The following HPSE2 variants were observed in gnomAD, a reference collection of about 807,000 sequenced individuals.
HPSE2 encodes the protein inactive heparanase-2.
Under a neutral mutation model 60.5 loss-of-function variants are expected in HPSE2, and 38 were observed. The observed-to-expected ratio is 0.63, with a 90% CI of 0.48 to 0.82. The LOEUF (loss-of-function observed/expected upper bound fraction) is 0.82. HPSE2 is among the 40% of genes least tolerant of loss of function. The probability of loss-of-function intolerance (pLI) is 0.00; values close to 1 mark genes in which losing one functional copy is unlikely to be tolerated. For missense variants in HPSE2, 713 were observed against 740.4 expected (o/e 0.96, Z 0.43); for synonymous variants, 295 against 293.2 (o/e 1.01, Z -0.06).
At chr10:98,696,614 G>GCTA (rs1948226993) in intron 5 of HPSE2, among the ~76,000 whole-genome samples, 2 of 134,588 alleles carry the variant, frequency 1.5e-5, no homozygotes, top group Non-Finnish European at 3.3e-5. Flanking sequence ...ACCATGGAAT[G>GCTA]CGTAGATTCT....
intron 3 of HPSE2, chr10:99,013,990 G>T (rs774440757): frequency 1.4e-5 from 5 of 353,466 alleles, no homozygotes; most frequent in Admixed American, 3.7e-5. Context: ...CACCCAGACC[G>T]CCTGGCCTCC....
intron 3 of HPSE2, among the ~76,000 whole-genome samples, chr10:98,769,317 C>T (rs1950192350): frequency 6.6e-6 from 1 of 151,956 alleles, no homozygotes; most frequent in South Asian, 2.1e-4. Flanking sequence ...CTGAATATAG[C>T]TTGTTGTTTT....
At chr10:98,532,935 G>A (rs1176458291) in intron 9 of HPSE2, among the ~76,000 whole-genome samples, 1 of 152,104 alleles carries the variant, frequency 6.6e-6, no homozygotes, top group African/African-American at 2.4e-5. Context: ...TCTCTTTCAT[G>A]GGCCTGAGCC....
intron 3 of HPSE2, among the ~76,000 whole-genome samples, chr10:99,125,692 T>A (rs185439289): frequency 7.2e-5 from 11 of 152,278 alleles, no homozygotes; most frequent in Non-Finnish European, 1.5e-4. Context: ...ACATCCCCAA[T>A]GGGGAATCTG....
chr10:98,541,674 C>T (rs1404800553), intron 9 of HPSE2, among the ~76,000 whole-genome samples: 2 of 152,200 alleles, frequency 1.3e-5, no homozygotes, highest in South Asian at 4.1e-4. Context: ...ACATCCCACA[C>T]ATGGCTCAGA....
chr10:99,213,368 T>C (rs1024130764), intron 2 of HPSE2, among the ~76,000 whole-genome samples: 1 of 152,080 alleles, frequency 6.6e-6, no homozygotes. Context: ...TAAAGAACCA[T>C]ACAATTATTA....
intron 3 of HPSE2, among the ~76,000 whole-genome samples, chr10:98,813,440 C>G (rs1951212744): frequency 6.6e-6 from 1 of 152,156 alleles, no homozygotes; most frequent in Non-Finnish European, 1.5e-5. Flanking sequence ...TTCATAGTCT[C>G]CAAAACATTG....
intron 9 of HPSE2, among the ~76,000 whole-genome samples, chr10:98,537,351 G>A (rs1442620727): frequency 6.6e-6 from 1 of 152,190 alleles, no homozygotes; most frequent in African/African-American, 2.4e-5. Context: ...AGTGTGGGCG[G>A]AGGATTACCT....
At chr10:99,183,613 G>C (rs761037009) in intron 2 of HPSE2, among the ~76,000 whole-genome samples, 1 of 152,100 alleles carries the variant, frequency 6.6e-6, no homozygotes, top group East Asian at 1.9e-4. Context: ...AGTCAATCAG[G>C]GTGATGGATT....
chr10:98,831,630 A>C (rs1021262291), intron 3 of HPSE2, among the ~76,000 whole-genome samples: 1 of 152,216 alleles, frequency 6.6e-6, no homozygotes, highest in African/African-American at 2.4e-5. Flanking sequence ...GACCTTGCTC[A>C]AGGGCAGTGG....
At position 98,702,314 on chromosome 10, in the gene HPSE2, G is replaced by T. The variant is rs1487835317; in HGVS notation, c.957-8367C>A. The stretch of plus-strand genomic sequence containing the variant: ...AGAAGCACCCAGATTCATAATACAA[G>T]TTCTTAGAGACCTATAAAGAGACTT... On this transcript the variant is annotated intron_variant, in intron 5 of 11. Transcript: ENST00000370552. Among the ~76,000 whole-genome samples the T allele has an allele frequency of 2.0e-5, 3 of 152,056 alleles. 1 individual carries two copies. The highest frequency in any genetic ancestry group is 4.2e-4 in the South Asian group (2 of 4,810).
intron 3 of HPSE2, among the ~76,000 whole-genome samples, chr10:99,128,368 T>C (rs1845244544): frequency 1.3e-5 from 2 of 152,110 alleles, no homozygotes. Flanking sequence ...ATTACAAAGA[T>C]ATATGTATGC....
chr10:98,744,533 CAAAACAAAACAAA>C (rs1007922311), intron 3 of HPSE2, among the ~76,000 whole-genome samples: 20 of 150,916 alleles, frequency 1.3e-4, no homozygotes, highest in Non-Finnish European at 2.4e-4. Context: ...GTCTCAAAAA[CAAAACAAAACAAA>C]AAAACAAAAC....
chr10:99,016,220 G>C (rs1218818586), intron 3 of HPSE2, among the ~76,000 whole-genome samples: 1 of 152,170 alleles, frequency 6.6e-6, no homozygotes, highest in African/African-American at 2.4e-5. Flanking sequence ...TATGGTATAA[G>C]GAAAGGTTCC....
intron 9 of HPSE2, among the ~76,000 whole-genome samples, chr10:98,607,424 C>A (rs1467770787): frequency 6.6e-6 from 1 of 152,116 alleles, no homozygotes; most frequent in Non-Finnish European, 1.5e-5. Flanking sequence ...ACATAATGTG[C>A]TGTCATTAGC....
rs139765776 is a variant in HPSE2 at position 98,564,239 on chromosome 10, G to A, written c.1320+50665C>T. ...AGTATGAAGCACAGAGGTTGAGAGC[G>A]TAGGCTCTAGATCCAAACCTTCTGG... On this transcript the variant is annotated intron_variant, in intron 9 of 11. Transcript: ENST00000370552. Among the ~76,000 whole-genome samples the A allele has an allele frequency of 2.0e-3, 298 of 152,298 alleles. 1 individual carries two copies. The highest frequency in any genetic ancestry group is 6.4e-3 in the African/African-American group (266 of 41,568).
chr10:98,892,952 A>T (rs1953378027), intron 3 of HPSE2, among the ~76,000 whole-genome samples: 1 of 152,174 alleles, frequency 6.6e-6, no homozygotes, highest in South Asian at 2.1e-4. Flanking sequence ...CAAATGCCAT[A>T]CACTGGTCTG....
intron 2 of HPSE2, among the ~76,000 whole-genome samples, chr10:99,184,397 T>A (rs1479604618): frequency 4.0e-5 from 6 of 151,466 alleles, no homozygotes; most frequent in Non-Finnish European, 7.4e-5. Flanking sequence ...TGGTGGTGCA[T>A]GCCTATGGGC....
intron 3 of HPSE2, among the ~76,000 whole-genome samples, chr10:99,122,768 C>T (rs1002676788): frequency 6.6e-6 from 1 of 151,924 alleles, no homozygotes; most frequent in South Asian, 2.1e-4. Context: ...CAAATGGAAT[C>T]CAGTGATGAA....
Sources: allele counts gnomAD v4.1 joint callset (sites outside exome capture counted in the v4.1 genomes callset), GRCh38; gene constraint gnomAD v4.1.1; transcripts MANE v1.5; gene names NCBI Gene and HGNC (gene_info 2026-07-23, HGNC 2026-07-21).